Variants in DYNC1H1 observed in about 807,000 individuals in gnomAD.
The protein encoded by DYNC1H1 is cytoplasmic dynein 1 heavy chain 1.
A neutral mutation model predicts 527.1 loss-of-function variants in DYNC1H1; 51 were observed. The ratio of observed to expected loss-of-function variants is 0.10; its 90% CI spans 0.08 to 0.12. DYNC1H1 has a LOEUF of 0.12. Ranked by LOEUF, DYNC1H1 falls within the 10% of genes least tolerant of loss-of-function variation. DYNC1H1 has a pLI of 1.00. For missense variants in DYNC1H1, 2,771 were observed against 5,971.8 expected (o/e 0.46, Z 17.66); for synonymous variants, 2,189 against 2,278.8 (o/e 0.96, Z 1.12).
At chr14:102,032,620 G>A (rs554968397) in intron 52 of DYNC1H1, 153 bp downstream of exon 52, 2 of 992,132 alleles carry the variant, frequency 2.0e-6, no homozygotes, top group Admixed American at 2.0e-5. Flanking sequence ...GGGAGGCTGA[G>A]GCAGGTGAAG....
At chr14:101,998,424 A>G (rs993560030) in intron 16 of DYNC1H1, among the ~76,000 whole-genome samples, 6 of 152,184 alleles carry the variant, frequency 3.9e-5, no homozygotes, top group African/African-American at 9.7e-5. Context: ...TGCTGATCCA[A>G]TTGGGTTATG....
Position 101,979,709 on chromosome 14 carries a change from C to G in DYNC1H1, c.519-10C>G. ...CACACTAAATGTTGAGGTATGAAAT[C>G]TGTTTTTAGGGATGGTGATAAAATG... On this transcript the variant is annotated splice_polypyrimidine_tract_variant and intron_variant, in intron 3 of 77. Transcript: ENST00000360184. This position sits in a 1 kb window ranked among gnomAD's most constrained non-coding sequence, Gnocchi z 4.6. 2 of 1,613,820 alleles carry G rather than the reference C, an allele frequency of 1.2e-6. No individual in the cohort carries two copies. The highest frequency in any genetic ancestry group is 1.3e-5 in the African/African-American group (1 of 75,032).
chr14:102,044,375 G>T lies in DYNC1H1; in HGVS notation c.12786G>T (p.Gln4262His), dbSNP rs1474226447. 6.2e-7 allele frequency: 1 copy of T among 1,614,104 alleles called. No individual in the cohort carries two copies. Among genetic ancestry groups the T allele is most frequent in the African/African-American group, 1.3e-5 (1 of 75,064 alleles). ...GGCGCGTGGACAACGAGTTTGACCA[G>T]CGTCTGCTCAACACCTTCCTGGAGC... ...YGGRVDNEFD[Q>H]RLLNTFLERL... is the part of the protein sequence containing the mutation. The change falls in exon 71 of 78, where the codon CAG becomes CAT. Residue 4262 changes from glutamine (Q) to histidine (H), a missense_variant. Gln to His is a conservative substitution (Grantham distance 24). This residue lies in a region of DYNC1H1 where 195 missense variants were observed against 428.6 expected (regional missense o/e 0.45). Transcript: ENST00000360184. The surrounding 1 kb of genome is among the most constrained non-coding windows in gnomAD (Gnocchi z 7.1).
Position 102,018,127 on chromosome 14 carries a change from T to C in DYNC1H1, c.8178-324T>C, listed in dbSNP as rs139576183. 1.4e-5 allele frequency: 4 copies of C among 292,274 alleles called. No individual in the cohort carries two copies. Among genetic ancestry groups the C allele is most frequent in the Non-Finnish European group, 2.6e-5 (4 of 153,446 alleles). The allele number at this position is 292,274 out of a possible 1,614,324, so 18.1% of individuals were successfully genotyped here. On this transcript the variant is annotated intron_variant, in intron 40 of 77. Transcript: ENST00000360184. This position sits in a 1 kb window ranked among gnomAD's most constrained non-coding sequence, Gnocchi z 5.2. ...TCTCAAAATAAATAAATAAATAAAA[T>C]AAAATGAAATAAAAGCATTGATCTC...
chr14:102,036,553 C>G lies in DYNC1H1; in HGVS notation c.10819C>G (p.Arg3607Gly). 1.9e-6 allele frequency: 3 copies of G among 1,614,072 alleles called. No homozygotes were observed. Among genetic ancestry groups the G allele is most frequent in the Non-Finnish European group, 2.5e-6 (3 of 1,180,012 alleles). Residue 3607 changes from arginine (R) to glycine (G), a missense_variant, in exon 57 of 78, where the codon CGT (arginine) becomes GGT (glycine). Around this residue, in one of 32 missense-constraint regions of DYNC1H1, gnomAD observed 283 missense variants for 737.6 expected, o/e 0.38. Transcript: ENST00000360184. The surrounding 1 kb of genome is among the most constrained non-coding windows in gnomAD (Gnocchi z 5.6). Reference protein sequence around the residue: ...TEFIMNEYKDRKITRTSFLDD... With the variant: ...TEFIMNEYKDGKITRTSFLDD... ...ATTCATTATGAATGAATATAAGGATCGTAAGATCACACGGACCAGCTTCCT... is the reference window on the plus strand; with the variant it reads ...ATTCATTATGAATGAATATAAGGATGGTAAGATCACACGGACCAGCTTCCT...
rs2048311766 is a variant in DYNC1H1 at position 102,015,667 on chromosome 14, A to G, written c.7243-189A>G. On this transcript the variant is annotated intron_variant, in intron 35 of 77. Transcript: ENST00000360184. This position sits in a 1 kb window ranked among gnomAD's most constrained non-coding sequence, Gnocchi z 6.9. ...ACTGCCCTTTTCCATGTTCAGTGGG[A>G]AAACCAAAGTTCCTGGGAAGCAGGG... 1.3e-5 allele frequency among the ~76,000 whole-genome samples: 2 copies of G among 152,160 alleles called. No individual in the cohort carries two copies. Among genetic ancestry groups the G allele is most frequent in the Admixed American group, 1.3e-4 (2 of 15,256 alleles).
chr14:102,005,168 C>G lies in DYNC1H1; in HGVS notation c.5365C>G (p.Leu1789Val), dbSNP rs1277912523. The part of the protein sequence containing the change: ...HSVLSNVEVT[L>V]NVLADSVLME... The stretch of plus-strand genomic sequence containing the variant: ...TGTGCTGAGCAATGTGGAGGTCACC[C>G]TCAATGTGTTAGCAGACTCTGTCCT... The change falls in exon 26 of 78, where the codon CTC becomes GTC. Residue 1789 changes from leucine (L) to valine (V), a missense_variant. Around this residue, in one of 32 missense-constraint regions of DYNC1H1, gnomAD observed 64 missense variants for 143.4 expected, o/e 0.45. Coordinates refer to ENST00000360184, the MANE Select transcript of DYNC1H1 (RefSeq NM_001376.5). This position sits in a 1 kb window ranked among gnomAD's most constrained non-coding sequence, Gnocchi z 4.0. 3 of 1,614,198 alleles carry G rather than the reference C, an allele frequency of 1.9e-6. No individual in the cohort carries two copies. The highest frequency in any genetic ancestry group is 4.5e-5 in the East Asian group (2 of 44,880).
rs1490840070 is a variant in DYNC1H1, at chr14:102,029,376, G to A, written c.9469-163G>A. On this transcript the variant is annotated intron_variant, in intron 48 of 77. Coordinates refer to ENST00000360184, the MANE Select transcript of DYNC1H1 (RefSeq NM_001376.5). This position sits in a 1 kb window ranked among gnomAD's most constrained non-coding sequence, Gnocchi z 5.3. ...GGTTTGGAAGTGTAAGGGGTATCTC[G>A]AAAGCTCTAAGTGGCTAAGCTGAGG... 3.5e-5 allele frequency: 29 copies of A among 835,336 alleles called. No individual in the cohort carries two copies. The highest frequency in any genetic ancestry group is 1.9e-4 in the Admixed American group (8 of 42,672). 51.7% of individuals were successfully genotyped at this position (835,336 alleles called of 1,614,324 possible).
chr14:102,018,021 G>T lies in DYNC1H1; in HGVS notation c.8178-430G>T. 7.6e-6 allele frequency: 2 copies of T among 261,904 alleles called. No homozygotes were observed. The highest frequency in any genetic ancestry group is 9.0e-5 in the South Asian group (2 of 22,202). 16.2% of individuals were successfully genotyped at this position (261,904 alleles called of 1,614,324 possible). On this transcript the variant is annotated intron_variant, in intron 40 of 77. Transcript: ENST00000360184. The surrounding 1 kb of genome is among the most constrained non-coding windows in gnomAD (Gnocchi z 5.2). The stretch of plus-strand genomic sequence containing the variant: ...CTTGGGAGGCTGAGGCAGCAGAATG[G>T]TGTGAACCTGGGAGGTGGAGCTTGC...
intron 1 of DYNC1H1, among the ~76,000 whole-genome samples, chr14:101,968,037 C>G (rs1438977500): frequency 1.3e-5 from 2 of 152,170 alleles, no homozygotes; most frequent in African/African-American, 2.4e-5. Flanking sequence ...AAAATAGGTG[C>G]TCATTACTTA....
In DYNC1H1 at chr14:102,049,660, C is replaced by T. The variant is rs1387250825; in HGVS notation, c.13516-54C>T. 6 of 1,613,432 alleles carry T rather than the reference C, an allele frequency of 3.7e-6. No homozygotes were observed. The highest frequency in any genetic ancestry group is 5.1e-6 in the Non-Finnish European group (6 of 1,180,012). On this transcript the variant is annotated intron_variant, in intron 75 of 77. Coordinates refer to ENST00000360184, the MANE Select transcript of DYNC1H1 (RefSeq NM_001376.5). This position sits in a 1 kb window ranked among gnomAD's most constrained non-coding sequence, Gnocchi z 5.5. ...GTGGGAGTGGCTCTGGGGAAAAACA[C>T]AGGGCCCAGGTCTGACCTGAGCTCC... is the stretch of plus-strand genomic sequence containing the variant.
Position 101,964,838 on chromosome 14 carries a change from G to A in DYNC1H1, c.147G>A (p.Pro49=), listed in dbSNP as rs1322995503. The A allele has an allele frequency of 6.3e-7, 1 of 1,599,746 alleles. No homozygotes were observed. The highest frequency in any genetic ancestry group is 1.1e-5 in the South Asian group (1 of 89,546). Residue 49 remains proline (P), a synonymous_variant, in exon 1 of 78, where the codon CCG becomes CCA. Transcript: ENST00000360184. The surrounding 1 kb of genome is among the most constrained non-coding windows in gnomAD (Gnocchi z 5.5). ...PLLLEDGGEA[P]AALEAALEEK... is the part of the protein sequence containing the mutation. ...TGCTGGAGGACGGCGGCGAGGCGCC[G>A]GCCGCGCTGGAGGCGGCGCTGGAGG...
In DYNC1H1 at chr14:101,986,899, G is replaced by C. The variant is rs778159463; in HGVS notation, c.2538+136G>C. 1 of 1,103,382 alleles carries C rather than the reference G, an allele frequency of 9.1e-7. No homozygotes were observed. Among genetic ancestry groups the C allele is most frequent in the Non-Finnish European group, 1.4e-6 (1 of 729,760 alleles). The allele number at this position is 1,103,382 out of a possible 1,614,324, so 68.3% of individuals were successfully genotyped here. On this transcript the variant is annotated intron_variant, in intron 8 of 77. Coordinates refer to ENST00000360184, the MANE Select transcript of DYNC1H1 (RefSeq NM_001376.5). This position sits in a 1 kb window ranked among gnomAD's most constrained non-coding sequence, Gnocchi z 8.7. ...ATACGGCCATGTGAGCTGCAAGGGA[G>C]GAGGACCCTTTGTACTCACCGGGCT...
chr14:101,991,247 G>C (rs962042851), intron 10 of DYNC1H1, among the ~76,000 whole-genome samples: 1 of 152,142 alleles, frequency 6.6e-6, no homozygotes, highest in African/African-American at 2.4e-5. Context: ...GCTGAAGCGG[G>C]TGGATCACCT....
rs1449877950 is a variant in DYNC1H1 at position 101,965,241 on chromosome 14, C to T, written c.256+294C>T. Among the ~76,000 whole-genome samples, 1 of 152,192 alleles carries T rather than the reference C, an allele frequency of 6.6e-6. No individual in the cohort carries two copies. ...GGTCGCGGGGAGGGGAAAGGGGTCC[C>T]CGTCTGCCGTCACCCAAAACAATGG... On this transcript the variant is annotated intron_variant, in intron 1 of 77. Transcript: ENST00000360184. This position sits in a 1 kb window ranked among gnomAD's most constrained non-coding sequence, Gnocchi z 4.1.
intron 5 of DYNC1H1, among the ~76,000 whole-genome samples, chr14:101,981,362 A>G (rs956099921): frequency 2.6e-5 from 4 of 152,192 alleles, no homozygotes; most frequent in Non-Finnish European, 2.9e-5. Flanking sequence ...GTCTCAAGCA[A>G]TCCTCCTGCC....
At chr14:101,972,397 C>T (rs1042030692) in intron 1 of DYNC1H1, among the ~76,000 whole-genome samples, 3 of 152,102 alleles carry the variant, frequency 2.0e-5, no homozygotes, top group African/African-American at 4.8e-5. Context: ...GTGACTGGTT[C>T]GTAGTGACTT....
chr14:102,044,209 CGAAAG>C lies in DYNC1H1; in HGVS notation c.12685-61_12685-57del, dbSNP rs1157876413. ...GAGTGAGGAGGAAAGCTGTGCCCCT[CGAAAG>C]GAAGCCCCGGGCCTGCCCGCCTCTG... On this transcript the variant is annotated intron_variant, in intron 70 of 77. Transcript: ENST00000360184. The surrounding 1 kb of genome is among the most constrained non-coding windows in gnomAD (Gnocchi z 7.1). 2.0e-5 allele frequency: 32 copies of C among 1,600,266 alleles called. No individual in the cohort carries two copies. In the African/African-American group the frequency reaches 2.5e-4, roughly 13 times the overall value.
chr14:102,036,401 G>A lies in DYNC1H1; in HGVS notation c.10755-88G>A. 6.4e-7 allele frequency: 1 copy of A among 1,568,440 alleles called. No homozygotes were observed. The highest frequency in any genetic ancestry group is 8.7e-7 in the Non-Finnish European group (1 of 1,143,132). On this transcript the variant is annotated intron_variant, in intron 56 of 77. Coordinates refer to ENST00000360184, the MANE Select transcript of DYNC1H1 (RefSeq NM_001376.5). The surrounding 1 kb of genome is among the most constrained non-coding windows in gnomAD (Gnocchi z 5.6). ...GGTGGTGGTAACAGCCTATCAATCA[G>A]GGTCTCTCATCAGGGACTCGGCTAA...
Sources: gnomAD v4.1 joint callset for allele counts (sites outside exome capture counted in the v4.1 genomes callset) on GRCh38, gnomAD v4.1.1 for gene constraint, gnomAD v4.1.1 regional missense constraint, Gnocchi (gnomAD v3.1) non-coding constraint, MANE v1.5 for transcripts, NCBI Gene and HGNC (gene_info 2026-07-23, HGNC 2026-07-21) for gene names.